The following RREB1 variants were observed in gnomAD, a reference collection of about 807,000 sequenced individuals.
The protein encoded by RREB1 is ras-responsive element-binding protein 1.
A neutral mutation model predicts 117.8 loss-of-function variants in RREB1; 27 were observed. The observed-to-expected ratio is 0.23, with a 90% CI of 0.17 to 0.32. The LOEUF (loss-of-function observed/expected upper bound fraction) is 0.32. Among genes scored for constraint, RREB1 ranks in the 10% least tolerant of loss-of-function variants. RREB1 has a pLI of 1.00. For synonymous variants in RREB1, 1,298 were observed against 1,026.7 expected, an observed-to-expected ratio of 1.26 and a Z score of -5.05; for missense variants, 2,577 against 2,378.2, an observed-to-expected ratio of 1.08 and a Z score of -1.74.
At chr6:7,122,961 A>G (rs528656168) in intron 1 of RREB1, among the ~76,000 whole-genome samples, 1 of 152,306 alleles carries the variant, frequency 6.6e-6, no homozygotes, top group Non-Finnish European at 1.5e-5. Flanking sequence ...AGAGTGCTGG[A>G]TAGTGGTGAC....
chr6:7,112,585 TA>T (rs1561721215), intron 1 of RREB1, among the ~76,000 whole-genome samples: 1 of 152,114 alleles, frequency 6.6e-6, no homozygotes, highest in Non-Finnish European at 1.5e-5. Context: ...GGGTTGCAGG[TA>T]CCTTATATCA....
chr6:7,119,355 A>C (rs1166028713), intron 1 of RREB1, among the ~76,000 whole-genome samples: 2 of 152,128 alleles, frequency 1.3e-5, no homozygotes, highest in East Asian at 3.9e-4. Flanking sequence ...ATCTCAAAAA[A>C]AAAGAAAAGG....
intron 2 of RREB1, among the ~76,000 whole-genome samples, chr6:7,180,435 G>A (rs1764729698): frequency 6.6e-6 from 1 of 152,088 alleles, no homozygotes. Flanking sequence ...CTGCTGTTGT[G>A]GACTCGTAGA....
At chr6:7,191,270 C>A (rs1765388583) in intron 6 of RREB1, among the ~76,000 whole-genome samples, 1 of 151,704 alleles carries the variant, frequency 6.6e-6, no homozygotes, top group South Asian at 2.1e-4. Flanking sequence ...ATACATTATA[C>A]CGTGTAAAGT....
chr6:7,139,465 TTGAC>T (rs1467034159), intron 1 of RREB1, among the ~76,000 whole-genome samples: 1 of 152,320 alleles, frequency 6.6e-6, no homozygotes, highest in African/African-American at 2.4e-5. Flanking sequence ...AAGATCTGGT[TTGAC>T]TGAAGTTAAC....
chr6:7,191,758 AGTT>A (rs1413320417), intron 6 of RREB1, among the ~76,000 whole-genome samples: 1 of 152,076 alleles, frequency 6.6e-6, no homozygotes, highest in Non-Finnish European at 1.5e-5. Context: ...TTAATTTTTC[AGTT>A]GTTCATGGCT....
intron 1 of RREB1, among the ~76,000 whole-genome samples, chr6:7,118,140 A>T (rs971250213): frequency 6.6e-6 from 1 of 152,120 alleles, no homozygotes; most frequent in African/African-American, 2.4e-5. Flanking sequence ...TTTCTTTTTG[A>T]GACAGAGTCT....
At chr6:7,246,036 T>C (rs562970220) in intron 11 of RREB1, among the ~76,000 whole-genome samples, 28 of 152,266 alleles carry the variant, frequency 1.8e-4, no homozygotes, top group Admixed American at 7.8e-4. Context: ...AAAAATAACT[T>C]ATAACTCAAG....
rs1460510201 is a variant in RREB1, at chr6:7,147,829, TC to T, written c.-284-28824del. ...TACCAGTGATTGATAAGTTAAAACT[TC>T]CTCAGAAACATCAGTGAGTTCAGGA... On this transcript the variant is annotated intron_variant, in intron 1 of 12. Transcript: ENST00000379938. Among the ~76,000 whole-genome samples, 12 of 152,078 alleles carry T rather than the reference TC, an allele frequency of 7.9e-5. 1 individual carries two copies. The highest frequency in any genetic ancestry group is 3.3e-4 in the Admixed American group (5 of 15,262).
At chr6:7,233,549 T>A (rs1017328557) in intron 10 of RREB1, among the ~76,000 whole-genome samples, 2 of 152,240 alleles carry the variant, frequency 1.3e-5, no homozygotes, top group South Asian at 2.1e-4. Context: ...ATTTTTAGTA[T>A]AAGTATTTTT....
intron 1 of RREB1, among the ~76,000 whole-genome samples, chr6:7,124,608 C>CT (rs1761830409): frequency 6.6e-6 from 1 of 152,160 alleles, no homozygotes; most frequent in Non-Finnish European, 1.5e-5. Flanking sequence ...CTCCATGGGA[C>CT]TCCATTGTTA....
At chr6:7,190,137 T>TG (rs1765326169) in intron 6 of RREB1, among the ~76,000 whole-genome samples, 2 of 152,214 alleles carry the variant, frequency 1.3e-5, no homozygotes. Flanking sequence ...CACGTACACA[T>TG]GGGACATACT....
chr6:7,174,293 G>C (rs768525240), intron 1 of RREB1, among the ~76,000 whole-genome samples: 1 of 151,676 alleles, frequency 6.6e-6, no homozygotes, highest in Non-Finnish European at 1.5e-5. Context: ...AAACAGCCTC[G>C]TGAACTCTGG....
At position 7,231,174 on chromosome 6, in the gene RREB1, C is replaced by G. The variant is rs768605425; in HGVS notation, c.3075C>G (p.Ser1025Arg). The change falls in exon 10 of 13, where the codon AGC becomes AGG. Residue 1025 changes from serine (S) to arginine (R), a missense_variant. Coordinates refer to ENST00000379938, the MANE Select transcript of RREB1 (RefSeq NM_001003699.4). ...CAATCTACTCCTCAGCCCTGGTCAG[C>G]AGCCCTCCACTCGTGGGCAGCTCAG... ...AVPIYSSALV[S>R]SPPLVGSSAL... 6.2e-7 allele frequency: 1 copy of G among 1,611,484 alleles called. No individual in the cohort carries two copies. Among genetic ancestry groups the G allele is most frequent in the Non-Finnish European group, 8.5e-7 (1 of 1,179,150 alleles).
At chr6:7,200,198 A>G (rs990208409) in intron 6 of RREB1, among the ~76,000 whole-genome samples, 6 of 148,822 alleles carry the variant, frequency 4.0e-5, no homozygotes, top group Non-Finnish European at 5.9e-5. Context: ...GTGTGTGTGT[A>G]TATATGTATG....
chr6:7,190,331 G>A (rs900091822), intron 6 of RREB1, among the ~76,000 whole-genome samples: 5 of 152,030 alleles, frequency 3.3e-5, no homozygotes, highest in South Asian at 2.1e-4. Context: ...CCCCCAAAAC[G>A]AGATTTTTAA....
intron 6 of RREB1, among the ~76,000 whole-genome samples, chr6:7,203,786 A>G (rs961449417): frequency 1.3e-5 from 2 of 152,222 alleles, no homozygotes; most frequent in African/African-American, 4.8e-5. Context: ...TTGCCCTAGT[A>G]TTGCAGGGAA....
chr6:7,240,033 C>T (rs1768594798), intron 10 of RREB1, among the ~76,000 whole-genome samples: 3 of 152,236 alleles, frequency 2.0e-5, no homozygotes, highest in Non-Finnish European at 2.9e-5. Flanking sequence ...GTCCATATTA[C>T]GGTGTCCTTG....
At chr6:7,200,234 A>ATGTGTGTG (rs1326696802) in intron 6 of RREB1, among the ~76,000 whole-genome samples, 9 of 125,212 alleles carry the variant, frequency 7.2e-5, no homozygotes, top group South Asian at 2.7e-4. Context: ...ATATATATGT[A>ATGTGTGTG]TGTGTGTATA....
Sources: gnomAD v4.1 joint callset for allele counts (sites outside exome capture counted in the v4.1 genomes callset) on GRCh38, gnomAD v4.1.1 for gene constraint, MANE v1.5 for transcripts, NCBI Gene and HGNC (gene_info 2026-07-23, HGNC 2026-07-21) for gene names.